MEGF11: variants seen among roughly 807,000 people sequenced by gnomAD.
MEGF11 encodes multiple epidermal growth factor-like domains protein 11.
A neutral mutation model predicts 146.6 loss-of-function variants in MEGF11; 126 were observed. That is an observed-to-expected ratio of 0.86 (90% confidence interval 0.74 to 1.00). The LOEUF is 1.00. MEGF11 is among the 50% of genes least tolerant of loss of function. The probability of loss-of-function intolerance (pLI) is 0.00; values close to 1 mark genes in which losing one functional copy is unlikely to be tolerated. For missense variants in MEGF11, 1,509 were observed against 1,521.2 expected, an observed-to-expected ratio of 0.99 and a Z score of 0.13; for synonymous variants, 532 against 583.4, an observed-to-expected ratio of 0.91 and a Z score of 1.27.
At chr15:66,109,599 G>A (rs2087280971) in intron 4 of MEGF11, among the ~76,000 whole-genome samples, 1 of 152,160 alleles carries the variant, frequency 6.6e-6, no homozygotes, top group African/African-American at 2.4e-5. Flanking sequence ...GCAAAACAAC[G>A]TGCTCGGGGG....
At chr15:66,076,684 A>T (rs2085602046) in intron 5 of MEGF11, among the ~76,000 whole-genome samples, 1 of 152,164 alleles carries the variant, frequency 6.6e-6, no homozygotes, top group Admixed American at 6.5e-5. Flanking sequence ...GTACCAGGAT[A>T]TCTCCCTGGC....
intron 1 of MEGF11, among the ~76,000 whole-genome samples, chr15:66,243,089 T>C (rs896625999): frequency 6.6e-6 from 1 of 152,204 alleles, no homozygotes; most frequent in African/African-American, 2.4e-5. Flanking sequence ...GAGCAAAGAA[T>C]GAACAAGTGT....
chr15:66,165,541 C>A (rs2090074727), intron 1 of MEGF11, among the ~76,000 whole-genome samples: 1 of 152,168 alleles, frequency 6.6e-6, no homozygotes, highest in Non-Finnish European at 1.5e-5. Flanking sequence ...TCTCTCATTA[C>A]CTCTGCCCTG....
chr15:66,044,692 T>G (rs1317010064), intron 5 of MEGF11, among the ~76,000 whole-genome samples: 2 of 150,074 alleles, frequency 1.3e-5, no homozygotes, highest in African/African-American at 4.9e-5. Context: ...ATAATAATAA[T>G]AATAATAATA....
Position 65,982,393 on chromosome 15 carries a change from C to T in MEGF11, c.490G>A (p.Ala164Thr). Residue 164 changes from alanine to threonine, a missense_variant, in exon 6 of 26, where the codon GCC becomes ACC. Ala to Thr is a moderately conservative substitution (Grantham distance 58). Coordinates refer to ENST00000395614, the MANE Select transcript of MEGF11 (RefSeq NM_001385028.1). This position sits in a 1 kb window ranked among gnomAD's most constrained non-coding sequence, Gnocchi z 5.6. The part of the protein sequence containing the change: ...CNPITGACVC[A>T]AGFRGWRCEE... Reference sequence around the variant, plus strand: ...CAGCGCCATCCACGGAAGCCGGCGGCGCACACGCAGGCGCCTGTGATGGGG... The same window carrying T: ...CAGCGCCATCCACGGAAGCCGGCGGTGCACACGCAGGCGCCTGTGATGGGG... 5.2e-6 allele frequency: 8 copies of T among 1,532,344 alleles called. No homozygotes were observed. The highest frequency in any genetic ancestry group is 6.1e-6 in the Non-Finnish European group (7 of 1,141,644). The allele number at this position is 1,532,344 out of a possible 1,614,324, so 94.9% of individuals were successfully genotyped here.
At chr15:66,111,210 G>A (rs78594314) in intron 4 of MEGF11, among the ~76,000 whole-genome samples, 2 of 152,058 alleles carry the variant, frequency 1.3e-5, no homozygotes, top group African/African-American at 4.8e-5. Context: ...TGAAAGCGCC[G>A]GCTAAACCAC....
chr15:66,033,720 A>C (rs772722899), intron 5 of MEGF11, among the ~76,000 whole-genome samples: 27 of 152,272 alleles, frequency 1.8e-4, no homozygotes, highest in Non-Finnish European at 3.4e-4. Context: ...ACGGAGTCAA[A>C]GGAAATTATT....
intron 8 of MEGF11, among the ~76,000 whole-genome samples, chr15:65,966,246 G>A (rs906454706): frequency 2.6e-5 from 4 of 152,054 alleles, no homozygotes; most frequent in African/African-American, 4.8e-5. Flanking sequence ...CGCCTGCCTC[G>A]GTCTCCCAAA....
At chr15:65,979,436 T>C (rs771965349) in intron 7 of MEGF11, among the ~76,000 whole-genome samples, 20 of 152,212 alleles carry the variant, frequency 1.3e-4, no homozygotes, top group Non-Finnish European at 2.8e-4. Flanking sequence ...GACCTCTGCA[T>C]TCGCAGCCTC....
At chr15:66,100,558 T>C (rs28406928) in intron 4 of MEGF11, among the ~76,000 whole-genome samples, 5,416 of 152,238 alleles carry the variant, frequency 0.036, 303 homozygotes, top group African/African-American at 0.12. Context: ...TTTTCACCTG[T>C]GAAACATGGA....
In MEGF11 at chr15:66,081,346, G is replaced by C. The variant is rs2085846644; in HGVS notation, c.394+13056C>G. 2.0e-5 allele frequency among the ~76,000 whole-genome samples: 3 copies of C among 152,296 alleles called. No individual in the cohort carries two copies. The South Asian group carries it at 6.2e-4, about 32-fold the overall frequency. ...CCTTAGAAATAAAACATCATGAGCT[G>C]TCACAGTGGAAATAGCCCTGTTTAC... On this transcript the variant is annotated intron_variant, in intron 5 of 25. Coordinates refer to ENST00000395614, the MANE Select transcript of MEGF11 (RefSeq NM_001385028.1).
In MEGF11 at chr15:66,063,133, A is replaced by G. The variant is rs112183903; in HGVS notation, c.394+31269T>C. ...GCTGTGAAATTTCTCTTTTATTCAA[A>G]TGCTAACAAGTTACATAATTTCAAA... On this transcript the variant is annotated intron_variant, in intron 5 of 25. Coordinates refer to ENST00000395614, the MANE Select transcript of MEGF11 (RefSeq NM_001385028.1). Among the ~76,000 whole-genome samples, 1,033 of 152,378 alleles carry G rather than the reference A, an allele frequency of 6.8e-3. 8 individuals carry two copies. The highest frequency in any genetic ancestry group is 0.01 in the Middle Eastern group (3 of 294).
intron 1 of MEGF11, among the ~76,000 whole-genome samples, chr15:66,213,873 G>A (rs1409217231): frequency 6.6e-6 from 1 of 151,894 alleles, no homozygotes; most frequent in East Asian, 1.9e-4. Flanking sequence ...CTCCACCCAG[G>A]GCAACACTGC....
rs2086554073 is a variant in MEGF11 at position 66,096,380 on chromosome 15, T to C, written c.302-1886A>G. Among the ~76,000 whole-genome samples the C allele has an allele frequency of 1.3e-5, 2 of 152,228 alleles. 1 individual carries two copies. Among genetic ancestry groups the C allele is most frequent in the South Asian group, 4.1e-4 (2 of 4,834 alleles). ...GAAAATCATGTCCTGGCCCATTGTT[T>C]TATACCTGGAGAAGCTGAGGCCTGA... On this transcript the variant is annotated intron_variant, in intron 4 of 25. Coordinates refer to ENST00000395614, the MANE Select transcript of MEGF11 (RefSeq NM_001385028.1).
chr15:66,200,860 A>G (rs899251389), intron 1 of MEGF11, among the ~76,000 whole-genome samples: 1 of 152,058 alleles, frequency 6.6e-6, no homozygotes, highest in Non-Finnish European at 1.5e-5. Context: ...CCTAAAGCCC[A>G]GCATGCATCA....
intron 5 of MEGF11, among the ~76,000 whole-genome samples, chr15:66,061,539 T>G (rs954300895): frequency 1.3e-5 from 2 of 152,040 alleles, no homozygotes; most frequent in African/African-American, 4.8e-5. Context: ...GGCAAACTCA[T>G]GACCTACTCA....
At chr15:66,234,087 C>G (rs2092035339) in intron 1 of MEGF11, among the ~76,000 whole-genome samples, 1 of 151,688 alleles carries the variant, frequency 6.6e-6, no homozygotes, top group African/African-American at 2.4e-5. Flanking sequence ...TTAGTAGGGA[C>G]GGGGTTTCGC....
At chr15:66,037,896 G>A (rs1055632154) in intron 5 of MEGF11, among the ~76,000 whole-genome samples, 7 of 152,202 alleles carry the variant, frequency 4.6e-5, no homozygotes, top group Non-Finnish European at 5.9e-5. Context: ...ACAAGCACAG[G>A]AGGCACCCTC....
intron 5 of MEGF11, among the ~76,000 whole-genome samples, chr15:66,059,918 C>T (rs1280105220): frequency 1.3e-5 from 2 of 152,136 alleles, no homozygotes; most frequent in East Asian, 3.8e-4. Context: ...ACCACACCTC[C>T]TTGGCCAGGG....
Sources: gnomAD v4.1 joint callset for allele counts (sites outside exome capture counted in the v4.1 genomes callset) on GRCh38, gnomAD v4.1.1 for gene constraint, Gnocchi (gnomAD v3.1) non-coding constraint, MANE v1.5 for transcripts, NCBI Gene and HGNC (gene_info 2026-07-23, HGNC 2026-07-21) for gene names.